Variants in THRB observed in about 807,000 individuals in gnomAD.
The protein encoded by THRB is nuclear receptor subfamily 1 group A member 2.
THRB carries 12 observed loss-of-function variants against 47.8 expected under a neutral mutation model. That is an observed-to-expected ratio of 0.25 (90% CI 0.16 to 0.41). The LOEUF (loss-of-function observed/expected upper bound fraction) is 0.41, where lower values mean the gene tolerates loss of function less well. THRB is among the 10% of genes least tolerant of loss of function. The pLI is 1.00. For missense variants in THRB, 348 were observed against 589.2 expected (o/e 0.59, Z 4.24); for synonymous variants, 218 against 212.2 (o/e 1.03, Z -0.24).
chr3:24,398,942 G>A (rs13067047), intron 1 of THRB, among the ~76,000 whole-genome samples: 71,832 of 151,858 alleles, frequency 0.47, 17,208 homozygotes, highest in Admixed American at 0.51. Flanking sequence ...GATGGATGAA[G>A]CTGGATACCA....
At chr3:24,394,099 G>A (rs1383105408) in intron 1 of THRB, among the ~76,000 whole-genome samples, 1 of 152,080 alleles carries the variant, frequency 6.6e-6, no homozygotes, top group Non-Finnish European at 1.5e-5. Flanking sequence ...ACAATTCACT[G>A]AAAATAATCG....
At chr3:24,224,837 A>G (rs1267218378) in intron 4 of THRB, among the ~76,000 whole-genome samples, 1 of 152,224 alleles carries the variant, frequency 6.6e-6, no homozygotes, top group Non-Finnish European at 1.5e-5. Flanking sequence ...CTTTCTCATT[A>G]TTAGATAAGG....
At chr3:24,448,381 T>C (rs2072313300) in intron 1 of THRB, among the ~76,000 whole-genome samples, 1 of 152,206 alleles carries the variant, frequency 6.6e-6, no homozygotes, top group Non-Finnish European at 1.5e-5. Context: ...AGAAAAGTAA[T>C]GATACCAAAA....
intron 3 of THRB, among the ~76,000 whole-genome samples, chr3:24,264,076 T>C (rs201320593): frequency 6.6e-6 from 1 of 152,306 alleles, no homozygotes; most frequent in South Asian, 2.1e-4. Flanking sequence ...AACCCTGCAA[T>C]GCTTTCCTGT....
At chr3:24,430,807 G>T (rs1350304088) in intron 1 of THRB, 4 of 152,082 alleles carry the variant, frequency 2.6e-5, no homozygotes, top group African/African-American at 9.7e-5. Context: ...ACAAGGTGGT[G>T]ACCCAAGAAT....
chr3:24,436,201 C>T (rs1241947164), intron 1 of THRB, among the ~76,000 whole-genome samples: 3 of 151,304 alleles, frequency 2.0e-5, no homozygotes, highest in Non-Finnish European at 4.4e-5. Context: ...TAAGGGAGAT[C>T]CAAAGAGATA....
At chr3:24,185,918 A>G (rs1219703256) in intron 5 of THRB, among the ~76,000 whole-genome samples, 22 of 152,158 alleles carry the variant, frequency 1.4e-4, no homozygotes. Context: ...GGTTCTCAGA[A>G]GGGCTCAAGT....
intron 1 of THRB, among the ~76,000 whole-genome samples, chr3:24,481,033 G>A (rs1696275409): frequency 6.6e-6 from 1 of 152,066 alleles, no homozygotes; most frequent in Non-Finnish European, 1.5e-5. Context: ...GAAGAATCAG[G>A]CTGCCAAGCT....
chr3:24,293,685 G>A (rs956734943), intron 3 of THRB, among the ~76,000 whole-genome samples: 2 of 152,156 alleles, frequency 1.3e-5, no homozygotes, highest in Admixed American at 1.3e-4. Flanking sequence ...TGGGTATAGG[G>A]TATAATTTCC....
chr3:24,238,300 G>GGTGTGTGT (rs1553662230), intron 3 of THRB, among the ~76,000 whole-genome samples: 1 of 125,672 alleles, frequency 8.0e-6, no homozygotes, highest in Non-Finnish European at 1.8e-5. Context: ...GGGTGTGTGG[G>GGTGTGTGT]GTGTGTGTGT....
intron 2 of THRB, among the ~76,000 whole-genome samples, chr3:24,306,517 T>C (rs869784): frequency 0.68 from 103,157 of 152,116 alleles, 35,192 homozygotes; most frequent in East Asian, 0.82. Flanking sequence ...CAAAGAAAAA[T>C]AGCATAAATA....
intron 1 of THRB, among the ~76,000 whole-genome samples, chr3:24,393,063 G>C (rs1220969900): frequency 6.6e-6 from 1 of 152,006 alleles, no homozygotes; most frequent in African/African-American, 2.4e-5. Context: ...GCAGACTTCT[G>C]AGTTTTTTTC....
rs1052478648 is a variant in THRB at position 24,124,080 on chromosome 3, C to T, written c.1145-955G>A. The stretch of plus-strand genomic sequence containing the variant: ...CCTGCTAAGTTCTCTTCAGTTTGTT[C>T]TTTGTGGCTCTGATCAAATGAATTC... On this transcript the variant is annotated intron_variant, in intron 10 of 10. Coordinates refer to ENST00000646209, the MANE Select transcript of THRB (RefSeq NM_001354712.2). 2.6e-5 allele frequency among the ~76,000 whole-genome samples: 4 copies of T among 152,290 alleles called. No individual in the cohort carries two copies. In the East Asian group the frequency reaches 7.7e-4, roughly 29 times the overall value.
At chr3:24,310,846 A>T in intron 2 of THRB, among the ~76,000 whole-genome samples, 1 of 152,204 alleles carries the variant, frequency 6.6e-6, no homozygotes, top group East Asian at 1.9e-4. Context: ...CAAAATGTCA[A>T]TAGTGCTGCT....
At position 24,123,986 on chromosome 3, in the gene THRB, CT is replaced by C. The variant is rs1208443368; in HGVS notation, c.1145-862del. Among the ~76,000 whole-genome samples the C allele has an allele frequency of 3.3e-5, 5 of 152,314 alleles. No homozygotes were observed. The East Asian group carries it at 9.6e-4, about 29-fold the overall frequency. ...CTGGGGAATAGTTGGGCTGCAGACA[CT>C]TGGCTGACAAAAATAATCTATAAAC... On this transcript the variant is annotated intron_variant, in intron 10 of 10. Transcript: ENST00000646209.
At chr3:24,375,296 G>C (rs2065186560) in intron 1 of THRB, among the ~76,000 whole-genome samples, 1 of 146,848 alleles carries the variant, frequency 6.8e-6, no homozygotes. Flanking sequence ...ATAATGTTTA[G>C]AAATATAATA....
rs1553662230 is a variant in THRB at position 24,238,300 on chromosome 3, GGT to G, written c.-42-9301_-42-9300del. On this transcript the variant is annotated intron_variant, in intron 3 of 10. Transcript: ENST00000646209. ...GTGTGGGGGGGGGGGGGGTGTGTGG[GGT>G]GTGTGTGTGATGAACGGATTGGAAA... 4.0e-5 allele frequency among the ~76,000 whole-genome samples: 5 copies of G among 125,776 alleles called. No homozygotes were observed. The East Asian group carries it at 1.2e-3, about 29-fold the overall frequency. The allele number at this position is 125,776 out of a possible 152,430, so 82.5% of individuals were successfully genotyped here. A position where few individuals can be genotyped will look rare whatever the true frequency, so the allele number is the denominator to read the frequency against.
chr3:24,299,266 A>AAAAAAAAG (rs1559867884), intron 2 of THRB, among the ~76,000 whole-genome samples: 1 of 150,862 alleles, frequency 6.6e-6, no homozygotes, highest in Admixed American at 6.6e-5. Flanking sequence ...AAAAAAAAAA[A>AAAAAAAAG]AAAAAAAGAA....
At chr3:24,429,674 T>C (rs1319191171) in intron 1 of THRB, among the ~76,000 whole-genome samples, 1 of 152,022 alleles carries the variant, frequency 6.6e-6, no homozygotes, top group African/African-American at 2.4e-5. Context: ...GGAATTTATT[T>C]GTGTAATTAT....
Sources: allele counts gnomAD v4.1 joint callset (sites outside exome capture counted in the v4.1 genomes callset), GRCh38; gene constraint gnomAD v4.1.1; transcripts MANE v1.5; gene names NCBI Gene and HGNC (gene_info 2026-07-23, HGNC 2026-07-21).